The following PRKCB variants were observed in gnomAD, a reference collection of about 807,000 sequenced individuals.
PRKCB encodes the protein protein kinase C beta type.
A neutral mutation model predicts 81.5 loss-of-function variants in PRKCB; 13 were observed. That is an observed-to-expected ratio of 0.16 (90% CI 0.10 to 0.25). The LOEUF is 0.25. Ranked by LOEUF, PRKCB falls within the 10% of genes least tolerant of loss-of-function variation. PRKCB has a pLI of 1.00. For synonymous variants in PRKCB, 335 were observed against 321.4 expected, an observed-to-expected ratio of 1.04 and a Z score of -0.45; for missense variants, 509 against 875.7, an observed-to-expected ratio of 0.58 and a Z score of 5.29.
intron 2 of PRKCB, among the ~76,000 whole-genome samples, chr16:23,900,287 G>A (rs529772512): frequency 1.6e-4 from 25 of 152,308 alleles, no homozygotes; most frequent in African/African-American, 6.0e-4. Context: ...TTCTTATGCA[G>A]TTATCACTGT....
At chr16:23,869,225 G>A in intron 2 of PRKCB, 1 of 410,636 alleles carries the variant, frequency 2.4e-6, no homozygotes, top group Non-Finnish European at 5.0e-6. Flanking sequence ...GTGTGGTTTA[G>A]CCATTGTTCT....
intron 2 of PRKCB, among the ~76,000 whole-genome samples, chr16:23,921,882 G>T (rs1963830794): frequency 6.6e-6 from 1 of 152,164 alleles, no homozygotes; most frequent in African/African-American, 2.4e-5. Flanking sequence ...ATTCTTGGGT[G>T]GGCATCAAGG....
At chr16:23,989,510 A>C (rs1336381839) in intron 3 of PRKCB, among the ~76,000 whole-genome samples, 1 of 152,164 alleles carries the variant, frequency 6.6e-6, no homozygotes, top group East Asian at 1.9e-4. Context: ...AATGTGCAAA[A>C]AATTTTTGTT....
chr16:24,139,331 T>A (rs1221801708), intron 9 of PRKCB, among the ~76,000 whole-genome samples: 4 of 152,082 alleles, frequency 2.6e-5, no homozygotes, highest in African/African-American at 9.7e-5. Context: ...CAGCCCAGAG[T>A]GTGAAAATAG....
rs540238781 is a variant in PRKCB at position 24,072,865 on chromosome 16, C to T, written c.530-19926C>T. On this transcript the variant is annotated intron_variant, in intron 5 of 16. Transcript: ENST00000643927. ...CCAAAGCACTGGGATTACATGTGTGCGCCACGCACCTGGCCTAACTCTCTC... is the reference window on the plus strand; with the variant it reads ...CCAAAGCACTGGGATTACATGTGTGTGCCACGCACCTGGCCTAACTCTCTC... Among the ~76,000 whole-genome samples, 40 of 152,076 alleles carry T rather than the reference C, an allele frequency of 2.6e-4. 1 individual carries two copies. Among genetic ancestry groups the T allele is most frequent in the Admixed American group, 2.3e-3 (35 of 15,278 alleles).
intron 10 of PRKCB, among the ~76,000 whole-genome samples, chr16:24,156,343 T>A (rs1389002372): frequency 6.6e-6 from 1 of 152,112 alleles, no homozygotes; most frequent in Non-Finnish European, 1.5e-5. Flanking sequence ...GGCATGATCA[T>A]GGCTGACTGC....
At chr16:24,162,383 C>T (rs1429240030) in intron 10 of PRKCB, among the ~76,000 whole-genome samples, 1 of 151,492 alleles carries the variant, frequency 6.6e-6, no homozygotes, top group Non-Finnish European at 1.5e-5. Context: ...AGAAACAGAA[C>T]ACCCCTTCCC....
chr16:23,967,437 A>G (rs561679133), intron 2 of PRKCB, among the ~76,000 whole-genome samples: 5 of 152,300 alleles, frequency 3.3e-5, no homozygotes, highest in African/African-American at 9.6e-5. Context: ...CCAGAAAATT[A>G]ATGATCTCTG....
intron 16 of PRKCB, among the ~76,000 whole-genome samples, chr16:24,207,761 C>A (rs1363732208): frequency 6.6e-6 from 1 of 152,124 alleles, no homozygotes; most frequent in Admixed American, 6.5e-5. Flanking sequence ...TCAGGGAAAA[C>A]CTCGTGGAGG....
Position 24,219,289 on chromosome 16 carries a change from A to G in PRKCB, c.*4473A>G. On this transcript the variant is annotated 3_prime_UTR_variant, in exon 17 of 17. Coordinates refer to ENST00000643927, the MANE Select transcript of PRKCB (RefSeq NM_002738.7). ...TGTTTTGTTTTAAGGCTCCCCTTAC[A>G]CACCCTCCTTTAAGCTTTGGGTTTT... 15 of 960,660 alleles carry G rather than the reference A, an allele frequency of 1.6e-5. No individual in the cohort carries two copies. Among genetic ancestry groups the G allele is most frequent in the Non-Finnish European group, 1.8e-5 (15 of 824,534 alleles). The allele number at this position is 960,660 out of a possible 1,614,324, so 59.5% of individuals were successfully genotyped here.
intron 7 of PRKCB, among the ~76,000 whole-genome samples, chr16:24,103,675 C>A (rs1173984312): frequency 1.3e-5 from 2 of 152,118 alleles, no homozygotes; most frequent in African/African-American, 4.8e-5. Flanking sequence ...GAGCATAGTA[C>A]CCAACAGTTA....
chr16:24,069,394 G>A (rs150698950), intron 5 of PRKCB, among the ~76,000 whole-genome samples: 363 of 152,242 alleles, frequency 2.4e-3, no homozygotes, highest in African/African-American at 7.8e-3. Flanking sequence ...AGTTTGGCCC[G>A]GAAGAGGCTG....
chr16:24,187,351 C>T (rs542893011), intron 15 of PRKCB, among the ~76,000 whole-genome samples: 2 of 152,298 alleles, frequency 1.3e-5, no homozygotes, highest in South Asian at 4.2e-4. Context: ...TGCCGCAGGA[C>T]CTTGGGGAAG....
chr16:24,155,275 A>C (rs1194674652), intron 10 of PRKCB, among the ~76,000 whole-genome samples: 2 of 152,046 alleles, frequency 1.3e-5, no homozygotes, highest in Non-Finnish European at 2.9e-5. Context: ...TGGAGGGAGG[A>C]TGTTGCCTGA....
At chr16:23,942,919 A>G (rs1263605384) in intron 2 of PRKCB, among the ~76,000 whole-genome samples, 2 of 152,160 alleles carry the variant, frequency 1.3e-5, no homozygotes, top group Non-Finnish European at 2.9e-5. Flanking sequence ...AAGGAGACAA[A>G]TGAATTATTC....
At chr16:24,015,540 C>T (rs74015233) in intron 3 of PRKCB, among the ~76,000 whole-genome samples, 6,311 of 152,286 alleles carry the variant, frequency 0.041, 204 homozygotes, top group African/African-American at 0.084. Context: ...GACTCTGAAC[C>T]TCATGCAGTG....
At chr16:24,071,030 C>T (rs1472466991) in intron 5 of PRKCB, among the ~76,000 whole-genome samples, 1 of 152,120 alleles carries the variant, frequency 6.6e-6, no homozygotes, top group Non-Finnish European at 1.5e-5. Context: ...AGGGAACCAT[C>T]TGGACAAAGG....
rs537077266 is a variant in PRKCB, at chr16:24,111,913, C to T, written c.822-1060C>T. On this transcript the variant is annotated intron_variant, in intron 7 of 16. Transcript: ENST00000643927. ...TCATTTTACATGCGTCATTACATTT[C>T]AATTTCACAAGAATTCTATGAAAAA... Among the ~76,000 whole-genome samples, 3 of 152,304 alleles carry T rather than the reference C, an allele frequency of 2.0e-5. No individual in the cohort carries two copies. In the South Asian group the frequency reaches 6.2e-4, roughly 32 times the overall value.
At position 24,219,407 on chromosome 16, in the gene PRKCB, G is replaced by C. The variant is rs935826921; in HGVS notation, c.*4591G>C. The C allele has an allele frequency of 2.0e-6, 2 of 985,408 alleles. No individual in the cohort carries two copies. The highest frequency in any genetic ancestry group is 3.5e-5 in the African/African-American group (2 of 57,102). 61.0% of individuals were successfully genotyped at this position (985,408 alleles called of 1,614,324 possible). On this transcript the variant is annotated 3_prime_UTR_variant, in exon 17 of 17. Coordinates refer to ENST00000643927, the MANE Select transcript of PRKCB (RefSeq NM_002738.7). ...AATTCTAGACTGTGGGTGGATTTTC[G>C]AGCTGACGGTGGTCAATTCCTTTCA...
Sources: allele counts gnomAD v4.1 joint callset (sites outside exome capture counted in the v4.1 genomes callset), GRCh38; gene constraint gnomAD v4.1.1; transcripts MANE v1.5; gene names NCBI Gene and HGNC (gene_info 2026-07-23, HGNC 2026-07-21).